The following WDR27 variants were observed in gnomAD, a reference collection of about 807,000 sequenced individuals.
The protein encoded by WDR27 is WD repeat-containing protein 27.
Under a neutral mutation model 114.4 loss-of-function variants are expected in WDR27, and 100 were observed. The ratio of observed to expected loss-of-function variants is 0.87; its 90% CI spans 0.74 to 1.03. The LOEUF is 1.03. Ranked by LOEUF, WDR27 falls within the 50% of genes least tolerant of loss-of-function variation. WDR27 has a pLI of 0.00. For missense variants in WDR27, 1,129 were observed against 1,092.9 expected (o/e 1.03, Z -0.47); for synonymous variants, 449 against 423.1 (o/e 1.06, Z -0.75).
At chr6:169,586,863 A>AAAAAAAAAAAG (rs1804727719) in intron 23 of WDR27, among the ~76,000 whole-genome samples, 2 of 147,936 alleles carry the variant, frequency 1.4e-5, no homozygotes, top group Admixed American at 1.3e-4. Context: ...AAAAAAAAAA[A>AAAAAAAAAAAG]AAAAAAAAAA....
At chr6:169,640,855 G>C (rs1359519104) in intron 17 of WDR27, among the ~76,000 whole-genome samples, 4 of 152,264 alleles carry the variant, frequency 2.6e-5, no homozygotes, top group African/African-American at 9.6e-5. Context: ...TCGCACAGGA[G>C]GGAGGGTGAA....
intron 24 of WDR27, among the ~76,000 whole-genome samples, chr6:169,581,963 A>G (rs755304669): frequency 2.0e-5 from 3 of 152,178 alleles, no homozygotes; most frequent in Non-Finnish European, 4.4e-5. Context: ...GAGATAACTA[A>G]TACCTGATAT....
chr6:169,501,914 C>T (rs1791297780), intron 25 of WDR27, among the ~76,000 whole-genome samples: 1 of 152,208 alleles, frequency 6.6e-6, no homozygotes, highest in Admixed American at 6.5e-5. Flanking sequence ...TCCAGCTATT[C>T]CAGATCTTTC....
chr6:169,562,382 T>G (rs1799795846), intron 25 of WDR27, among the ~76,000 whole-genome samples: 1 of 152,220 alleles, frequency 6.6e-6, no homozygotes, highest in Non-Finnish European at 1.5e-5. Context: ...AACAGCACAC[T>G]AATTTTAGAT....
At chr6:169,482,738 T>G (rs939245832) in intron 25 of WDR27, among the ~76,000 whole-genome samples, 1 of 152,160 alleles carries the variant, frequency 6.6e-6, no homozygotes, top group African/African-American at 2.4e-5. Context: ...TATACATCCT[T>G]TTCATCACCA....
chr6:169,538,034 T>C (rs1236614762), intron 25 of WDR27, among the ~76,000 whole-genome samples: 2 of 131,964 alleles, frequency 1.5e-5, no homozygotes, highest in East Asian at 4.4e-4. Flanking sequence ...TGTGTATGTG[T>C]GGTGGGGGTG....
intron 25 of WDR27, among the ~76,000 whole-genome samples, chr6:169,557,476 T>C (rs113622859): frequency 2.0e-5 from 3 of 152,352 alleles, no homozygotes; most frequent in African/African-American, 7.2e-5. Flanking sequence ...TGTTCATTTG[T>C]TCATTGTAAC....
chr6:169,655,855 G>A (rs928095868), intron 13 of WDR27, among the ~76,000 whole-genome samples: 10 of 152,298 alleles, frequency 6.6e-5, no homozygotes, highest in African/African-American at 2.4e-4. Context: ...GAGTAGCTGG[G>A]ACTACAGGCG....
chr6:169,602,430 TA>T, intron 22 of WDR27, 109 bp from the exon 23 acceptor site: 1 of 675,284 alleles, frequency 1.5e-6, no homozygotes, highest in South Asian at 2.0e-5. Context: ...AACAAAAGAA[TA>T]ATGAAAGAAT....
chr6:169,540,797 T>C (rs911003180), intron 25 of WDR27, among the ~76,000 whole-genome samples: 21 of 152,148 alleles, frequency 1.4e-4, no homozygotes, highest in African/African-American at 4.6e-4. Flanking sequence ...AACCTGGACC[T>C]GGTATTTTCT....
intron 25 of WDR27, among the ~76,000 whole-genome samples, chr6:169,465,677 G>T (rs118025213): frequency 6.6e-6 from 1 of 152,276 alleles, no homozygotes; most frequent in East Asian, 1.9e-4. Flanking sequence ...GATAAGCAAA[G>T]TGTGGACCAC....
At chr6:169,662,247 T>C (rs1826352132) in intron 9 of WDR27, 57 bp downstream of exon 9, 2 of 1,579,816 alleles carry the variant, frequency 1.3e-6, no homozygotes, top group East Asian at 2.3e-5. Flanking sequence ...CTAATGTTCA[T>C]CTAAGGAATT....
At chr6:169,694,250 G>A (rs1785245652) in intron 1 of WDR27, among the ~76,000 whole-genome samples, 1 of 152,188 alleles carries the variant, frequency 6.6e-6, no homozygotes, top group African/African-American at 2.4e-5. Context: ...GGCTGAGTAT[G>A]CAGTGAGCCG....
chr6:169,603,968 G>A (rs114423519), intron 22 of WDR27, among the ~76,000 whole-genome samples: 1,607 of 152,242 alleles, frequency 0.011, 40 homozygotes, highest in African/African-American at 0.037. Flanking sequence ...GTAGTGTCAA[G>A]AGGAAAGTTT....
chr6:169,430,826 G>A, the WDR27 span, among the ~76,000 whole-genome samples: 28 of 152,286 alleles, frequency 1.8e-4, no homozygotes, highest in East Asian at 7.7e-4. Context: ...AGTTTTTCCC[G>A]GTGGGGAGGA....
intron 25 of WDR27, among the ~76,000 whole-genome samples, chr6:169,511,768 A>G (rs1279296527): frequency 6.6e-6 from 1 of 152,212 alleles, no homozygotes; most frequent in Non-Finnish European, 1.5e-5. Flanking sequence ...ATCTTCAGCT[A>G]CTATTCATAT....
At chr6:169,552,248 C>T (rs1049763490) in intron 25 of WDR27, among the ~76,000 whole-genome samples, 11 of 152,172 alleles carry the variant, frequency 7.2e-5, no homozygotes, top group African/African-American at 2.4e-4. Context: ...CAAGCTGCCC[C>T]CCACTTCCTT....
At chr6:169,503,225 T>C (rs1489247856) in intron 25 of WDR27, among the ~76,000 whole-genome samples, 1 of 152,152 alleles carries the variant, frequency 6.6e-6, no homozygotes, top group Non-Finnish European at 1.5e-5. Context: ...TCAAGCAACC[T>C]GTAACAGCTT....
chr6:169,480,600 A>G (rs1285474809), intron 25 of WDR27, among the ~76,000 whole-genome samples: 2 of 151,626 alleles, frequency 1.3e-5, no homozygotes. Context: ...TTGTGGATGC[A>G]CCAATCAGCA....
Sources: allele counts gnomAD v4.1 joint callset (sites outside exome capture counted in the v4.1 genomes callset), GRCh38; gene constraint gnomAD v4.1.1; transcripts MANE v1.5; gene names NCBI Gene and HGNC (gene_info 2026-07-23, HGNC 2026-07-21).